The following KLHL3 variants were observed in gnomAD, a reference collection of about 807,000 sequenced individuals.
KLHL3 encodes the protein kelch-like protein 3.
In KLHL3, 19 loss-of-function variants were observed where a neutral mutation model predicts 70.5. The ratio of observed to expected loss-of-function variants is 0.27; its 90% CI spans 0.19 to 0.40. The LOEUF is 0.40. Ranked by LOEUF, KLHL3 falls within the 10% of genes least tolerant of loss-of-function variation. The probability of loss-of-function intolerance (pLI) is 1.00; values close to 1 mark genes in which losing one functional copy is unlikely to be tolerated. For missense variants in KLHL3, 512 were observed against 771.1 expected (o/e 0.66, Z 3.98); for synonymous variants, 258 against 290.3 (o/e 0.89, Z 1.13).
rs779764363 is a variant in KLHL3, at chr5:137,639,822, A to C, written c.1021+38T>G. ...CTTCTGGCACGGAGTGGGGACCAGC[A>C]GGGGAAAAACAGCTTGCAGAACTGG... On this transcript the variant is annotated intron_variant, in intron 9 of 14. Transcript: ENST00000309755. This position sits in a 1 kb window ranked among gnomAD's most constrained non-coding sequence, Gnocchi z 5.0. 6.7e-7 allele frequency: 1 copy of C among 1,500,054 alleles called. No homozygotes were observed. Among genetic ancestry groups the C allele is most frequent in the East Asian group, 2.3e-5 (1 of 44,308 alleles). 92.9% of individuals were successfully genotyped at this position (1,500,054 alleles called of 1,614,324 possible).
chr5:137,670,119 T>C (rs1200131505), intron 6 of KLHL3, among the ~76,000 whole-genome samples: 1 of 152,120 alleles, frequency 6.6e-6, no homozygotes, highest in Non-Finnish European at 1.5e-5. Flanking sequence ...GGGAGTAAAA[T>C]CTACATCTTC....
In KLHL3 at chr5:137,682,622, G is replaced by A. The variant is rs529988187; in HGVS notation, c.527-4968C>T. On this transcript the variant is annotated intron_variant, in intron 5 of 14. Transcript: ENST00000309755. ...TAGGCTAGAGGAAGTGATAGTCTTTGGGGTTCCCAAAGCCCCCCAAACAAG... is the reference window on the plus strand; with the variant it reads ...TAGGCTAGAGGAAGTGATAGTCTTTAGGGTTCCCAAAGCCCCCCAAACAAG... Among the ~76,000 whole-genome samples, 3 of 152,180 alleles carry A rather than the reference G, an allele frequency of 2.0e-5. No homozygotes were observed. In the East Asian group the frequency reaches 5.8e-4, roughly 29 times the overall value.
At position 137,713,142 on chromosome 5, in the gene KLHL3, G is replaced by A. The variant is rs537552294; in HGVS notation, c.135-3286C>T. Among the ~76,000 whole-genome samples the A allele has an allele frequency of 1.9e-4, 25 of 134,324 alleles. 1 individual carries two copies. The East Asian group carries it at 5.1e-3, about 27-fold the overall frequency. The allele number at this position is 134,324 out of a possible 152,430, so 88.1% of individuals were successfully genotyped here. ...GGAGATGGTTAAGAGGTTGAGGGGA[G>A]GAATAACCAGCAAAAAAAAAAAAAA... On this transcript the variant is annotated intron_variant, in intron 2 of 14. Transcript: ENST00000309755.
intron 5 of KLHL3, among the ~76,000 whole-genome samples, chr5:137,685,946 T>C (rs796779706): frequency 7.9e-5 from 12 of 152,364 alleles, no homozygotes; most frequent in African/African-American, 2.4e-4. Flanking sequence ...TTTCCACCCA[T>C]GTGCTTTTTC....
intron 13 of KLHL3, among the ~76,000 whole-genome samples, chr5:137,626,379 C>T (rs989345653): frequency 6.6e-6 from 1 of 152,156 alleles, no homozygotes. Flanking sequence ...TCTCTAATCC[C>T]TTTACAAGAC....
intron 4 of KLHL3, among the ~76,000 whole-genome samples, chr5:137,695,922 C>T (rs988799499): frequency 3.3e-5 from 5 of 152,162 alleles, no homozygotes; most frequent in African/African-American, 7.2e-5. Flanking sequence ...GGAAGATTAC[C>T]GTAAGTCAAA....
intron 4 of KLHL3, 70 bp downstream of exon 4, chr5:137,698,216 AT>A: frequency 4.4e-6 from 7 of 1,577,526 alleles, no homozygotes; most frequent in South Asian, 1.1e-5. Context: ...TGAGGGTTAA[AT>A]AAAATAACGC....
chr5:137,669,468 GATAA>G lies in KLHL3; in HGVS notation c.637-7441_637-7438del, dbSNP rs1185609240. On this transcript the variant is annotated intron_variant, in intron 6 of 14. Transcript: ENST00000309755. Reference sequence around the variant, plus strand: ...GCACACTGCCAGATATCTGACTTCAGATAACCAAAAATGATGAAAAAATTAAAAC... The same window carrying G: ...GCACACTGCCAGATATCTGACTTCAGCCAAAAATGATGAAAAAATTAAAAC... 3.9e-3 allele frequency among the ~76,000 whole-genome samples: 592 copies of G among 151,168 alleles called. 4 individuals carry two copies. The highest frequency in any genetic ancestry group is 7.1e-3 in the Non-Finnish European group (478 of 67,180).
chr5:137,678,098 G>A (rs1751930882), intron 5 of KLHL3, among the ~76,000 whole-genome samples: 1 of 152,230 alleles, frequency 6.6e-6, no homozygotes, highest in African/African-American at 2.4e-5. Flanking sequence ...GGTCTCTGGG[G>A]GTTCTTATAG....
At chr5:137,647,267 T>C (rs981222237) in intron 8 of KLHL3, among the ~76,000 whole-genome samples, 4 of 152,216 alleles carry the variant, frequency 2.6e-5, no homozygotes, top group African/African-American at 9.6e-5. Flanking sequence ...ATTCTGATTC[T>C]ACCAGCGTGA....
At position 137,621,442 on chromosome 5, in the gene KLHL3, T is replaced by C. The variant is rs1383444904; in HGVS notation, c.*656A>G. ...GAGCTGAGAAGCACAGGGAACCCAT[T>C]TGTCCCTTATTCTAGCACACAGAGG... On this transcript the variant is annotated 3_prime_UTR_variant, in exon 15 of 15. Transcript: ENST00000309755. 6.6e-6 allele frequency: 1 copy of C among 152,392 alleles called. No individual in the cohort carries two copies. The highest frequency in any genetic ancestry group is 1.5e-5 in the Non-Finnish European group (1 of 68,082). 9.4% of individuals were successfully genotyped at this position (152,392 alleles called of 1,614,324 possible).
intron 11 of KLHL3, among the ~76,000 whole-genome samples, chr5:137,636,918 T>G (rs1561585089): frequency 6.6e-6 from 1 of 152,198 alleles, no homozygotes; most frequent in Non-Finnish European, 1.5e-5. Flanking sequence ...CAAAATTAAT[T>G]AAGCACATTT....
intron 3 of KLHL3, chr5:137,706,135 T>C (rs1752680673): frequency 1.0e-6 from 1 of 985,434 alleles, no homozygotes; most frequent in Non-Finnish European, 1.2e-6. Flanking sequence ...TCAGGACATT[T>C]GGGCAACATG....
At chr5:137,622,681 A>G (rs1580710987) in intron 14 of KLHL3, among the ~76,000 whole-genome samples, 1 of 152,150 alleles carries the variant, frequency 6.6e-6, no homozygotes, top group Non-Finnish European at 1.5e-5. Context: ...CATCTAAGAG[A>G]CCCTGCCAGT....
At chr5:137,625,406 T>C (rs186037077) in intron 14 of KLHL3, among the ~76,000 whole-genome samples, 79 of 152,346 alleles carry the variant, frequency 5.2e-4, no homozygotes, top group African/African-American at 1.8e-3. Flanking sequence ...TCTAGGAGCC[T>C]GGCACAAAGT....
Sources: gnomAD v4.1 joint callset for allele counts (sites outside exome capture counted in the v4.1 genomes callset) on GRCh38, gnomAD v4.1.1 for gene constraint, Gnocchi (gnomAD v3.1) non-coding constraint, MANE v1.5 for transcripts, NCBI Gene and HGNC (gene_info 2026-07-23, HGNC 2026-07-21) for gene names.